Variants in CYRIA observed in about 807,000 individuals in gnomAD.
The protein encoded by CYRIA is CYFIP related Rac1 interactor A.
In CYRIA, 15 loss-of-function variants were observed where a neutral mutation model predicts 43.9. That is an observed-to-expected ratio of 0.34 (90% CI 0.23 to 0.53). The LOEUF (loss-of-function observed/expected upper bound fraction) is 0.53. Among genes scored for constraint, CYRIA ranks in the 20% least tolerant of loss-of-function variants. The probability of loss-of-function intolerance (pLI) is 0.94; values close to 1 mark genes in which losing one functional copy is unlikely to be tolerated. For synonymous variants in CYRIA, 117 were observed against 136.0 expected (o/e 0.86, Z 0.97); for missense variants, 236 against 394.2 (o/e 0.60, Z 3.40).
intron 2 of CYRIA, among the ~76,000 whole-genome samples, chr2:16,613,556 A>ATACTATATT (rs1558426966): frequency 2.6e-5 from 4 of 152,334 alleles, no homozygotes; most frequent in African/African-American, 9.6e-5. Context: ...TAGTTTGAAG[A>ATACTATATT]GTTACTATAT....
At chr2:16,600,318 C>T (rs1223541840) in intron 2 of CYRIA, among the ~76,000 whole-genome samples, 2 of 152,164 alleles carry the variant, frequency 1.3e-5, no homozygotes, top group East Asian at 1.9e-4. Context: ...CTCTTGGTGA[C>T]AGCAAAATAA....
At chr2:16,587,944 T>C (rs1261679409) in intron 3 of CYRIA, 106 bp downstream of exon 3, 8 of 705,962 alleles carry the variant, frequency 1.1e-5, no homozygotes, top group African/African-American at 1.8e-5. Context: ...ACAGTGACCT[T>C]TGGATTTGAT....
At chr2:16,647,388 C>T (rs1267257213) in intron 1 of CYRIA, among the ~76,000 whole-genome samples, 1 of 152,142 alleles carries the variant, frequency 6.6e-6, no homozygotes. Context: ...AAGACCTTGT[C>T]TAAATTCTGG....
chr2:16,555,030 T>C, intron 11 of CYRIA, 39 bp downstream of exon 11: 1 of 1,576,692 alleles, frequency 6.3e-7, no homozygotes, highest in South Asian at 1.1e-5. Flanking sequence ...CCTGAAAGGC[T>C]GGCTGTTCCC....
chr2:16,659,373 C>T (rs953521709), intron 1 of CYRIA, among the ~76,000 whole-genome samples: 4 of 152,188 alleles, frequency 2.6e-5, no homozygotes, highest in Non-Finnish European at 5.9e-5. Context: ...GACTTCCATT[C>T]GCCCATCCAT....
chr2:16,607,138 C>T (rs969788693), intron 2 of CYRIA, among the ~76,000 whole-genome samples: 1 of 152,098 alleles, frequency 6.6e-6, no homozygotes, highest in Non-Finnish European at 1.5e-5. Context: ...CTGAAAGGAG[C>T]AATTGCCCTT....
At chr2:16,654,119 A>G (rs1670041852) in intron 1 of CYRIA, among the ~76,000 whole-genome samples, 1 of 152,148 alleles carries the variant, frequency 6.6e-6, no homozygotes, top group Non-Finnish European at 1.5e-5. Context: ...TTCAACAAGG[A>G]GTGTTTCTGT....
chr2:16,593,784 G>C (rs1277029405), intron 2 of CYRIA, among the ~76,000 whole-genome samples: 1 of 124,984 alleles, frequency 8.0e-6, no homozygotes, highest in Admixed American at 9.1e-5. Flanking sequence ...GTGCAGGTTA[G>C]TTACATATGT....
chr2:16,567,439 A>G (rs1318085329), intron 3 of CYRIA, among the ~76,000 whole-genome samples: 2 of 152,104 alleles, frequency 1.3e-5, no homozygotes, highest in East Asian at 3.9e-4. Flanking sequence ...AAACAAAACA[A>G]AAAAACAAAA....
chr2:16,653,403 C>T (rs1462277710), intron 1 of CYRIA, among the ~76,000 whole-genome samples: 1 of 152,234 alleles, frequency 6.6e-6, no homozygotes, highest in Non-Finnish European at 1.5e-5. Context: ...CAGGCCTTCA[C>T]TCAATCCTCA....
chr2:16,563,760 AC>A (rs1334493647), intron 5 of CYRIA, among the ~76,000 whole-genome samples: 1 of 152,186 alleles, frequency 6.6e-6, no homozygotes, highest in Non-Finnish European at 1.5e-5. Flanking sequence ...CCAAGAAGAT[AC>A]TCACTAGTAG....
intron 1 of CYRIA, among the ~76,000 whole-genome samples, chr2:16,634,556 AGAGGGG>A (rs1669433933): frequency 6.6e-6 from 1 of 152,258 alleles, no homozygotes; most frequent in Non-Finnish European, 1.5e-5. Flanking sequence ...ATTTAACAGA[AGAGGGG>A]GATAACTCCA....
chr2:16,600,813 T>A (rs114147789), intron 2 of CYRIA, among the ~76,000 whole-genome samples: 547 of 152,264 alleles, frequency 3.6e-3, no homozygotes, highest in Middle Eastern at 0.01. Context: ...AAACATCAGG[T>A]AGCTATAATT....
intron 1 of CYRIA, among the ~76,000 whole-genome samples, chr2:16,630,812 T>C (rs1226713618): frequency 2.0e-5 from 3 of 152,186 alleles, no homozygotes; most frequent in African/African-American, 7.2e-5. Flanking sequence ...ACCTCCCCTC[T>C]TCCCATCCAC....
chr2:16,562,484 A>G (rs1666772726), intron 5 of CYRIA, among the ~76,000 whole-genome samples: 1 of 152,204 alleles, frequency 6.6e-6, no homozygotes. Context: ...TTCATGATTC[A>G]GGATGAGATG....
chr2:16,611,947 G>A (rs778552717), intron 2 of CYRIA, among the ~76,000 whole-genome samples: 7 of 152,174 alleles, frequency 4.6e-5, no homozygotes, highest in Non-Finnish European at 1.0e-4. Context: ...TCTGAAAGTA[G>A]TTTCCTGCCA....
chr2:16,617,530 A>G (rs1310103479), intron 2 of CYRIA, among the ~76,000 whole-genome samples: 1 of 152,246 alleles, frequency 6.6e-6, no homozygotes, highest in African/African-American at 2.4e-5. Flanking sequence ...GGAACTGAAC[A>G]TTGTAGCTGT....
intron 2 of CYRIA, among the ~76,000 whole-genome samples, chr2:16,605,571 G>A (rs1327790474): frequency 1.3e-5 from 2 of 152,202 alleles, no homozygotes; most frequent in Admixed American, 1.3e-4. Flanking sequence ...TGCAGGGCAA[G>A]GGGCCCCAGA....
chr2:16,558,704 G>A (rs890296522), intron 10 of CYRIA, among the ~76,000 whole-genome samples: 2 of 152,040 alleles, frequency 1.3e-5, no homozygotes, highest in Admixed American at 1.3e-4. Flanking sequence ...CACCTACAGC[G>A]TGTCTGTTGA....
Sources: allele counts gnomAD v4.1 joint callset (sites outside exome capture counted in the v4.1 genomes callset), GRCh38; gene constraint gnomAD v4.1.1; transcripts MANE v1.5; gene names NCBI Gene and HGNC (gene_info 2026-07-23, HGNC 2026-07-21).